GRIA2: variants seen among roughly 807,000 people sequenced by gnomAD.
GRIA2 encodes the protein glutamate receptor 2.
A neutral mutation model predicts 97.3 loss-of-function variants in GRIA2; 14 were observed. The observed-to-expected ratio is 0.14, with a 90% CI of 0.10 to 0.23. The LOEUF (loss-of-function observed/expected upper bound fraction) is 0.23, where lower values mean the gene tolerates loss of function less well. GRIA2 is among the 10% of genes least tolerant of loss of function. GRIA2 has a pLI of 1.00. For synonymous variants in GRIA2, 412 were observed against 387.8 expected (o/e 1.06, Z -0.73); for missense variants, 558 against 1,069.8 (o/e 0.52, Z 6.67).
intron 12 of GRIA2, among the ~76,000 whole-genome samples, chr4:157,350,025 A>G (rs564218620): frequency 7.0e-4 from 106 of 152,256 alleles, no homozygotes; most frequent in Non-Finnish European, 1.3e-3. Flanking sequence ...TCTTGAATGT[A>G]CCTTATGAAT....
intron 3 of GRIA2, among the ~76,000 whole-genome samples, chr4:157,304,253 A>G (rs1333715147): frequency 1.3e-5 from 2 of 152,206 alleles, no homozygotes; most frequent in African/African-American, 4.8e-5. Context: ...CGAATCTCAG[A>G]GAAGTTAAAG....
At chr4:157,311,756 A>G (rs1426778909) in intron 3 of GRIA2, among the ~76,000 whole-genome samples, 1 of 151,982 alleles carries the variant, frequency 6.6e-6, no homozygotes, top group Admixed American at 6.6e-5. Context: ...TTGTTTATTA[A>G]GTTATCAGTA....
chr4:157,268,928 G>C (rs1193961446), intron 2 of GRIA2, among the ~76,000 whole-genome samples: 1 of 152,082 alleles, frequency 6.6e-6, no homozygotes, highest in African/African-American at 2.4e-5. Flanking sequence ...ATGGGCATGG[G>C]TTGGAGAGAA....
At chr4:157,241,885 A>G (rs2126718592) in intron 2 of GRIA2, among the ~76,000 whole-genome samples, 2 of 152,236 alleles carry the variant, frequency 1.3e-5, no homozygotes, top group Middle Eastern at 3.4e-3. Flanking sequence ...CATTAGAATA[A>G]GGGAAAGAGA....
chr4:157,315,724 A>G (rs1734288041), intron 4 of GRIA2, among the ~76,000 whole-genome samples: 1 of 152,050 alleles, frequency 6.6e-6, no homozygotes, highest in Non-Finnish European at 1.5e-5. Context: ...AATTTTTAGT[A>G]GAGACCGGGT....
At chr4:157,264,600 G>C (rs746645019) in intron 2 of GRIA2, among the ~76,000 whole-genome samples, 7 of 151,890 alleles carry the variant, frequency 4.6e-5, no homozygotes, top group Non-Finnish European at 1.0e-4. Flanking sequence ...ATATAACCTA[G>C]CATATTCACA....
intron 12 of GRIA2, among the ~76,000 whole-genome samples, chr4:157,357,197 T>A (rs1736423075): frequency 6.6e-6 from 1 of 152,168 alleles, no homozygotes; most frequent in African/African-American, 2.4e-5. Flanking sequence ...TCAGTAAGAA[T>A]GTCATCAGAT....
chr4:157,305,421 T>G (rs1733800276), intron 3 of GRIA2, among the ~76,000 whole-genome samples: 1 of 152,174 alleles, frequency 6.6e-6, no homozygotes, highest in Admixed American at 6.5e-5. Flanking sequence ...GAATTACTGT[T>G]AAAAAATTTT....
At chr4:157,359,833 GT>G in intron 12 of GRIA2, 62 bp from the exon 13 acceptor site, 3 of 1,459,216 alleles carry the variant, frequency 2.1e-6, no homozygotes, top group Non-Finnish European at 2.8e-6. Flanking sequence ...CTCTTTTTGT[GT>G]TTTGTGAGTA....
chr4:157,287,435 A>G (rs1732894340), intron 2 of GRIA2, among the ~76,000 whole-genome samples: 1 of 151,544 alleles, frequency 6.6e-6, no homozygotes, highest in Admixed American at 6.6e-5. Context: ...TCTTTCTAAA[A>G]AAGTTTTGAG....
At chr4:157,224,190 T>C (rs1448057236) in intron 2 of GRIA2, among the ~76,000 whole-genome samples, 1 of 152,180 alleles carries the variant, frequency 6.6e-6, no homozygotes. Context: ...AAAATAAATA[T>C]GTTCACATTT....
At chr4:157,348,779 A>C (rs1446801457) in intron 12 of GRIA2, among the ~76,000 whole-genome samples, 1 of 152,154 alleles carries the variant, frequency 6.6e-6, no homozygotes, top group Non-Finnish European at 1.5e-5. Context: ...AAATAAAACA[A>C]ACAAAATTAG....
At chr4:157,363,270 G>A in intron 15 of GRIA2, 165 bp from the exon 16 acceptor site, 1 of 602,324 alleles carries the variant, frequency 1.7e-6, no homozygotes, top group South Asian at 3.6e-5. Context: ...TGCCATAATT[G>A]TGCTTTATTA....
At chr4:157,292,616 G>A (rs996512866) in intron 2 of GRIA2, among the ~76,000 whole-genome samples, 6 of 151,920 alleles carry the variant, frequency 3.9e-5, no homozygotes, top group Non-Finnish European at 5.9e-5. Context: ...ATTAAAGTAC[G>A]TTAGAAATCA....
At chr4:157,276,539 A>C (rs1278046327) in intron 2 of GRIA2, among the ~76,000 whole-genome samples, 2 of 152,014 alleles carry the variant, frequency 1.3e-5, no homozygotes, top group Non-Finnish European at 2.9e-5. Context: ...TGGAGCAGAA[A>C]GAAATGAAAT....
At chr4:157,223,501 T>A (rs1339084444) in intron 2 of GRIA2, among the ~76,000 whole-genome samples, 1 of 152,210 alleles carries the variant, frequency 6.6e-6, no homozygotes, top group South Asian at 2.1e-4. Flanking sequence ...AGAAATCAAC[T>A]TAATTAAAAT....
upstream of GRIA2, chr4:157,220,540 G>T (rs2126666035): frequency 6.6e-6 from 1 of 152,258 alleles, no homozygotes; most frequent in South Asian, 2.1e-4. Flanking sequence ...CGGGGTGCCG[G>T]GCGCCGTGCG....
Position 157,257,100 on chromosome 4 carries a change from C to G in GRIA2, c.229+35293C>G, listed in dbSNP as rs536312444. Among the ~76,000 whole-genome samples the G allele has an allele frequency of 2.8e-4, 43 of 151,884 alleles. No homozygotes were observed. The South Asian group carries it at 7.3e-3, about 26-fold the overall frequency. On this transcript the variant is annotated intron_variant, in intron 2 of 15. Transcript: ENST00000264426. ...AAATCAGTTATGCTTTCAAAATAAC[C>G]CAAGTGAAACCATGACAAGAAATTG...
At position 157,357,684 on chromosome 4, in the gene GRIA2, A is replaced by G. The variant is rs1292114423; in HGVS notation, c.2044-2212A>G. 2.6e-5 allele frequency among the ~76,000 whole-genome samples: 4 copies of G among 152,110 alleles called. No individual in the cohort carries two copies. The East Asian group carries it at 7.7e-4, about 29-fold the overall frequency. Reference sequence around the variant, plus strand: ...CTTGTATGTCTAGGTGACCTAACATACCAGAACTAATGACCTAACATACCA... The same window carrying G: ...CTTGTATGTCTAGGTGACCTAACATGCCAGAACTAATGACCTAACATACCA... On this transcript the variant is annotated intron_variant, in intron 12 of 15. Transcript: ENST00000264426.
Sources: gnomAD v4.1 joint callset for allele counts (sites outside exome capture counted in the v4.1 genomes callset) on GRCh38, gnomAD v4.1.1 for gene constraint, MANE v1.5 for transcripts, NCBI Gene and HGNC (gene_info 2026-07-23, HGNC 2026-07-21) for gene names.